Variants in STX18 observed in about 807,000 individuals in gnomAD.
STX18 encodes syntaxin-18.
In STX18, 40 loss-of-function variants were observed where a neutral mutation model predicts 50.1. The ratio of observed to expected loss-of-function variants is 0.80; its 90% confidence interval spans 0.62 to 1.04. The LOEUF is 1.04. Among genes scored for constraint, STX18 ranks in the 50% least tolerant of loss-of-function variants. STX18 has a pLI of 0.00. For missense variants in STX18, 410 were observed against 415.8 expected (o/e 0.99, Z 0.12); for synonymous variants, 158 against 151.8 (o/e 1.04, Z -0.30).
chr4:4,536,104 T>G (rs980664294), intron 1 of STX18, among the ~76,000 whole-genome samples: 13 of 152,220 alleles, frequency 8.5e-5, no homozygotes, highest in African/African-American at 3.1e-4. Context: ...ATCTTAGTAA[T>G]AAAAGCTACT....
At chr4:4,444,124 A>G (rs868408893) in intron 5 of STX18, among the ~76,000 whole-genome samples, 1 of 152,336 alleles carries the variant, frequency 6.6e-6, no homozygotes, top group Middle Eastern at 3.4e-3. Flanking sequence ...AATTTAAGTA[A>G]TGAGGGCTGC....
intron 1 of STX18, among the ~76,000 whole-genome samples, chr4:4,489,130 G>A: frequency 6.6e-6 from 1 of 152,030 alleles, no homozygotes; most frequent in African/African-American, 2.4e-5. Context: ...AAGAGGGTTT[G>A]GTAACAAGAT....
chr4:4,542,088 G>A, upstream of STX18: 2 of 1,218,108 alleles, frequency 1.6e-6, no homozygotes, highest in Non-Finnish European at 2.2e-6. Flanking sequence ...ACGGCGACGC[G>A]AGAAGAAAGG....
chr4:4,531,281 T>C (rs1731086483), intron 1 of STX18, among the ~76,000 whole-genome samples: 2 of 152,194 alleles, frequency 1.3e-5, no homozygotes, highest in African/African-American at 2.4e-5. Context: ...AAAGTAATAA[T>C]TGCTGTGTTG....
intron 7 of STX18, among the ~76,000 whole-genome samples, chr4:4,429,533 C>T (rs1725419869): frequency 6.6e-6 from 1 of 152,234 alleles, no homozygotes; most frequent in Admixed American, 6.5e-5. Flanking sequence ...AGAAAGCCCT[C>T]TGGCCCTCAT....
At chr4:4,523,597 A>G (rs1034513199) in intron 1 of STX18, among the ~76,000 whole-genome samples, 11 of 152,168 alleles carry the variant, frequency 7.2e-5, no homozygotes, top group African/African-American at 2.4e-4. Flanking sequence ...TCCTACATTG[A>G]ACAAGTCCCA....
At chr4:4,481,523 C>CA (rs1728461470) in intron 1 of STX18, 2 of 152,046 alleles carry the variant, frequency 1.3e-5, no homozygotes, top group African/African-American at 4.8e-5. Context: ...AGTATGCAGC[C>CA]AAAGGCACAG....
intron 1 of STX18, among the ~76,000 whole-genome samples, chr4:4,536,787 C>T (rs928376186): frequency 1.3e-5 from 2 of 152,216 alleles, no homozygotes; most frequent in Admixed American, 6.5e-5. Context: ...CGAAGTTTAG[C>T]TTCCACAAAA....
chr4:4,518,078 G>A (rs117582455), intron 1 of STX18, among the ~76,000 whole-genome samples: 9 of 152,234 alleles, frequency 5.9e-5, no homozygotes, highest in Admixed American at 2.6e-4. Flanking sequence ...CGGCCTATAT[G>A]TGTTCTTATA....
intron 2 of STX18, among the ~76,000 whole-genome samples, chr4:4,468,588 G>A (rs929642099): frequency 3.9e-5 from 6 of 152,022 alleles, no homozygotes; most frequent in Non-Finnish European, 7.4e-5. Flanking sequence ...GCCTGGGCTC[G>A]GTTACATTAT....
intron 5 of STX18, among the ~76,000 whole-genome samples, chr4:4,443,836 T>C (rs1726249180): frequency 6.6e-6 from 1 of 152,166 alleles, no homozygotes; most frequent in Non-Finnish European, 1.5e-5. Context: ...AAAGTCAAGA[T>C]CCTCTGATGA....
chr4:4,422,172 C>T (rs564747562), intron 9 of STX18, among the ~76,000 whole-genome samples: 46 of 152,302 alleles, frequency 3.0e-4, no homozygotes, highest in African/African-American at 1.1e-3. Flanking sequence ...AAAGTGTGAA[C>T]TAAGTGACCA....
intron 2 of STX18, among the ~76,000 whole-genome samples, chr4:4,460,889 G>T (rs1028307399): frequency 2.0e-5 from 3 of 152,058 alleles, no homozygotes; most frequent in Non-Finnish European, 4.4e-5. Context: ...CAGATGAATG[G>T]CTCCCCTCTG....
At chr4:4,539,279 G>C (rs1234311555) in intron 1 of STX18, among the ~76,000 whole-genome samples, 1 of 152,202 alleles carries the variant, frequency 6.6e-6, no homozygotes, top group Non-Finnish European at 1.5e-5. Flanking sequence ...ATTTCATTAA[G>C]TCTGACAACC....
intron 2 of STX18, among the ~76,000 whole-genome samples, chr4:4,468,183 C>G (rs1727716102): frequency 6.6e-6 from 1 of 152,176 alleles, no homozygotes; most frequent in Admixed American, 6.5e-5. Context: ...ACTGCAGAAA[C>G]CCTTTTTTTT....
At chr4:4,454,994 C>A (rs184306151) in intron 5 of STX18, among the ~76,000 whole-genome samples, 34 of 152,268 alleles carry the variant, frequency 2.2e-4, no homozygotes, top group Admixed American at 2.0e-3. Flanking sequence ...AACAGCACTA[C>A]AAGTTAGGTA....
chr4:4,484,062 C>T (rs556909192), intron 1 of STX18, among the ~76,000 whole-genome samples: 9 of 152,244 alleles, frequency 5.9e-5, no homozygotes, highest in South Asian at 2.1e-4. Flanking sequence ...TGGGGTTTCA[C>T]CATGTTAGCC....
chr4:4,515,276 G>C (rs2108898363), intron 1 of STX18, among the ~76,000 whole-genome samples: 1 of 152,142 alleles, frequency 6.6e-6, no homozygotes, highest in South Asian at 2.1e-4. Flanking sequence ...CAAAACATTT[G>C]TTTCCAGTGA....
At chr4:4,536,914 A>G (rs966782928) in intron 1 of STX18, among the ~76,000 whole-genome samples, 1 of 152,206 alleles carries the variant, frequency 6.6e-6, no homozygotes, top group East Asian at 1.9e-4. Flanking sequence ...TCTACAAGAA[A>G]TCTCTGCAGT....
Sources: gnomAD v4.1 joint callset for allele counts (sites outside exome capture counted in the v4.1 genomes callset) on GRCh38, gnomAD v4.1.1 for gene constraint, MANE v1.5 for transcripts, NCBI Gene and HGNC (gene_info 2026-07-23, HGNC 2026-07-21) for gene names.